PCYT1B: variants seen among roughly 807,000 people sequenced by gnomAD.
PCYT1B encodes the protein choline-phosphate cytidylyltransferase B.
In PCYT1B, 10 loss-of-function variants were observed where a neutral mutation model predicts 26.4. The observed-to-expected ratio is 0.38, with a 90% CI of 0.23 to 0.64. PCYT1B has a LOEUF of 0.64. PCYT1B is among the 30% of genes least tolerant of loss of function. The pLI, the probability that PCYT1B is intolerant of heterozygous loss-of-function variation, is 0.56. For missense variants in PCYT1B, 161 were observed against 292.7 expected (o/e 0.55, Z 3.28); for synonymous variants, 131 against 108.4 (o/e 1.21, Z -1.29).
At position 24,562,138 on chromosome X, in the gene PCYT1B, A is replaced by G; in HGVS notation, c.*155T>C. Reference sequence around the variant, plus strand: ...TTCAGCTGTACGGAGAGTGAGAGAGAACTGGTCCCAAGACCTTCCCTTAGC... The same window carrying G: ...TTCAGCTGTACGGAGAGTGAGAGAGGACTGGTCCCAAGACCTTCCCTTAGC... On this transcript the variant is annotated 3_prime_UTR_variant, in exon 8 of 8. Coordinates refer to ENST00000379144, the MANE Select transcript of PCYT1B (RefSeq NM_004845.5). 1 of 1,209,793 alleles carries G rather than the reference A, an allele frequency of 8.3e-7. No homozygotes were observed. The highest frequency in any genetic ancestry group is 1.1e-6 in the Non-Finnish European group (1 of 894,554).
At position 24,596,952 on chromosome X, in the gene PCYT1B, CCAA is replaced by C. The variant is rs747539535; in HGVS notation, c.335-6781_335-6779del. ...CAGTAATCAAGATCCAGCCTTTCAA[CCAA>C]CAACACAGGACACCTATTCTTGAAG... On this transcript the variant is annotated intron_variant, in intron 3 of 7. Coordinates refer to ENST00000379144, the MANE Select transcript of PCYT1B (RefSeq NM_004845.5). 2.7e-5 allele frequency among the ~76,000 whole-genome samples: 3 copies of C among 111,057 alleles called. No homozygotes were observed. The East Asian group carries it at 8.5e-4, about 31-fold the overall frequency.
At chrX:24,667,898 T>C (rs1927160683) in intron 1 of PCYT1B, among the ~76,000 whole-genome samples, 1 of 111,839 alleles carries the variant, frequency 8.9e-6, no homozygotes, top group African/African-American at 3.2e-5. Context: ...TCACTATGGC[T>C]AAAAATTTTC....
At chrX:24,663,622 A>G (rs1263500029) in intron 1 of PCYT1B, among the ~76,000 whole-genome samples, 1 of 111,974 alleles carries the variant, frequency 8.9e-6, no homozygotes, top group Non-Finnish European at 1.9e-5. Flanking sequence ...AAGTGTTTAA[A>G]ACAGCAAACT....
chrX:24,624,510 C>T (rs970439595), intron 1 of PCYT1B, among the ~76,000 whole-genome samples: 5 of 112,042 alleles, frequency 4.5e-5, no homozygotes, highest in African/African-American at 1.6e-4. Flanking sequence ...AGAATCCACT[C>T]TCTTTCTACC....
intron 7 of PCYT1B, among the ~76,000 whole-genome samples, chrX:24,566,802 C>T (rs948923972): frequency 9.0e-6 from 1 of 111,626 alleles, no homozygotes; most frequent in Non-Finnish European, 1.9e-5. Flanking sequence ...TTTCCTCTAG[C>T]AGATATAATA....
chrX:24,594,830 C>T (rs1289283053), intron 3 of PCYT1B, among the ~76,000 whole-genome samples: 2 of 111,242 alleles, frequency 1.8e-5, no homozygotes, highest in East Asian at 2.9e-4. Context: ...ATGCTGGCAG[C>T]TCACTGTGCT....
chrX:24,630,365 A>G lies in PCYT1B; in HGVS notation c.118-11281T>C, dbSNP rs184918499. Among the ~76,000 whole-genome samples, 887 of 111,330 alleles carry G rather than the reference A, an allele frequency of 8.0e-3. 10 individuals are homozygous for G. Among genetic ancestry groups the G allele is most frequent in the African/African-American group, 0.027 (837 of 30,611 alleles). On this transcript the variant is annotated intron_variant, in intron 1 of 7. Coordinates refer to ENST00000379144, the MANE Select transcript of PCYT1B (RefSeq NM_004845.5). ...GGCTGGAGTGCAGTGGCGCGATCTC[A>G]GCTCACTGCAACCTCCACCCCCTGA...
intron 2 of PCYT1B, among the ~76,000 whole-genome samples, chrX:24,611,566 C>G (rs970433361): frequency 1.2e-4 from 13 of 111,605 alleles, no homozygotes; most frequent in Middle Eastern, 4.2e-3. Flanking sequence ...GGTGCCCATG[C>G]CTTTGTGTAA....
chrX:24,655,263 C>T (rs765728427), intron 1 of PCYT1B, among the ~76,000 whole-genome samples: 2 of 112,138 alleles, frequency 1.8e-5, no homozygotes, highest in Non-Finnish European at 3.8e-5. Flanking sequence ...CACCAAACCA[C>T]GCTGCCTCAT....
chrX:24,579,495 A>G (rs981600124), intron 5 of PCYT1B, 37 bp from the exon 6 acceptor site: 7 of 1,178,157 alleles, frequency 5.9e-6, no homozygotes, highest in Non-Finnish European at 8.1e-6. Context: ...AGGAAAAATT[A>G]AGATCACCTC....
chrX:24,670,148 G>GGAAGGAAGGAAGGAAGGAAA (rs1569261942), intron 1 of PCYT1B, among the ~76,000 whole-genome samples: 3 of 108,032 alleles, frequency 2.8e-5, no homozygotes, highest in Admixed American at 1.0e-4. Context: ...AAGGAAGGAA[G>GGAAGGAAGGAAGGAAGGAAA]GAAGGAAATG....
intron 2 of PCYT1B, among the ~76,000 whole-genome samples, chrX:24,616,499 A>G (rs773641869): frequency 1.8e-5 from 2 of 110,348 alleles, no homozygotes; most frequent in African/African-American, 3.3e-5. Context: ...TCAGCCTCCC[A>G]AAGTGCTGGG....
intron 1 of PCYT1B, among the ~76,000 whole-genome samples, chrX:24,653,740 G>A (rs1926832148): frequency 9.1e-6 from 1 of 109,444 alleles, no homozygotes; most frequent in African/African-American, 3.3e-5. Context: ...CCATTAAGGT[G>A]CCCACCATAA....
intron 1 of PCYT1B, among the ~76,000 whole-genome samples, chrX:24,633,966 C>G (rs1472185200): frequency 9.0e-6 from 1 of 111,307 alleles, no homozygotes; most frequent in Non-Finnish European, 1.9e-5. Flanking sequence ...CTCTGTCACC[C>G]AAGTTGAAGT....
intron 3 of PCYT1B, among the ~76,000 whole-genome samples, chrX:24,596,589 C>T (rs1337035246): frequency 8.1e-4 from 78 of 96,301 alleles, no homozygotes; most frequent in Non-Finnish European, 1.3e-3. Context: ...GAGACTCCAT[C>T]TCAAAAAAAA....
At chrX:24,603,626 G>C (rs1165020147) in intron 3 of PCYT1B, among the ~76,000 whole-genome samples, 1 of 110,240 alleles carries the variant, frequency 9.1e-6, no homozygotes, top group Non-Finnish European at 1.9e-5. Context: ...GGGAGGCTAA[G>C]ATGGGAGGAT....
intron 1 of PCYT1B, among the ~76,000 whole-genome samples, chrX:24,667,829 C>T (rs761734852): frequency 2.3e-4 from 26 of 112,025 alleles, no homozygotes; most frequent in Middle Eastern, 9.2e-3. Context: ...TCAATTCCTT[C>T]CAAATAAGGA....
rs192694025 is a variant in PCYT1B, at chrX:24,603,192, A to G, written c.334+4553T>C. On this transcript the variant is annotated intron_variant, in intron 3 of 7. Transcript: ENST00000379144. The stretch of plus-strand genomic sequence containing the variant: ...TCTTTTAGAGATTGTGGGGAACAAA[A>G]TTTCAAGACTCCTAGTCTAAGACAG... 3.6e-5 allele frequency among the ~76,000 whole-genome samples: 4 copies of G among 112,468 alleles called. No homozygotes were observed. The East Asian group carries it at 1.1e-3, about 31-fold the overall frequency.
At chrX:24,580,068 C>T (rs1052782469) in intron 5 of PCYT1B, among the ~76,000 whole-genome samples, 4 of 112,286 alleles carry the variant, frequency 3.6e-5, no homozygotes, top group East Asian at 5.6e-4. Context: ...CCAGCTACTT[C>T]GGAGACTAAA....
Sources: allele counts gnomAD v4.1 joint callset (sites outside exome capture counted in the v4.1 genomes callset), GRCh38; gene constraint gnomAD v4.1.1; transcripts MANE v1.5; gene names NCBI Gene and HGNC (gene_info 2026-07-23, HGNC 2026-07-21).